Variants in MAP3K20 observed in about 807,000 individuals in gnomAD.
MAP3K20 encodes the protein HCCS-4.
In MAP3K20, 40 loss-of-function variants were observed where a neutral mutation model predicts 85.7. The observed-to-expected ratio is 0.47, with a 90% CI of 0.36 to 0.61. The LOEUF (loss-of-function observed/expected upper bound fraction) is 0.61, where lower values mean the gene tolerates loss of function less well. MAP3K20 is among the 20% of genes least tolerant of loss of function. MAP3K20 has a pLI of 0.00. For synonymous variants in MAP3K20, 325 were observed against 327.7 expected, an observed-to-expected ratio of 0.99 and a Z score of 0.09; for missense variants, 817 against 961.7, an observed-to-expected ratio of 0.85 and a Z score of 1.99.
intron 2 of MAP3K20, among the ~76,000 whole-genome samples, chr2:173,149,506 A>AC (rs1553571021): frequency 1.4e-5 from 2 of 145,726 alleles, no homozygotes; most frequent in African/African-American, 5.4e-5. Flanking sequence ...AAAAAAGTTT[A>AC]TTTTTTTTTA....
intron 2 of MAP3K20, among the ~76,000 whole-genome samples, chr2:173,144,560 G>A (rs972261610): frequency 1.5e-4 from 7 of 48,262 alleles, no homozygotes; most frequent in Middle Eastern, 0.01. Flanking sequence ...GCTGGGAGTG[G>A]GGGGGCATGC....
intron 3 of MAP3K20, among the ~76,000 whole-genome samples, chr2:173,174,272 A>G (rs1330621775): frequency 5.9e-5 from 9 of 152,178 alleles, no homozygotes; most frequent in Non-Finnish European, 1.2e-4. Context: ...TTACATAGGT[A>G]TACATGTGCC....
rs192866641 is a variant in MAP3K20 at position 173,102,388 on chromosome 2, A to C, written c.159+11198A>C. Among the ~76,000 whole-genome samples, 468 of 152,232 alleles carry C rather than the reference A, an allele frequency of 3.1e-3. 1 individual carries two copies. Among genetic ancestry groups the C allele is most frequent in the Middle Eastern group, 0.027 (8 of 294 alleles). On this transcript the variant is annotated intron_variant, in intron 2 of 19. Transcript: ENST00000375213. Reference sequence around the variant, plus strand: ...TTCTGTTCTATAGCAGCTAGAAAGGATGTTTTCCTGGCCGTGGTTCTTATC... The same window carrying C: ...TTCTGTTCTATAGCAGCTAGAAAGGCTGTTTTCCTGGCCGTGGTTCTTATC...
chr2:173,144,300 A>G lies in MAP3K20; in HGVS notation c.160-25505A>G, dbSNP rs184469180. Among the ~76,000 whole-genome samples, 679 of 151,868 alleles carry G rather than the reference A, an allele frequency of 4.5e-3. 5 individuals carry two copies. Among genetic ancestry groups the G allele is most frequent in the South Asian group, 0.031 (150 of 4,800 alleles). Reference sequence around the variant, plus strand: ...AACACAGTGAAACCCCATCTCTACTAAAAATACAAAAAATTAGCCGGGCGT... The same window carrying G: ...AACACAGTGAAACCCCATCTCTACTGAAAATACAAAAAATTAGCCGGGCGT... On this transcript the variant is annotated intron_variant, in intron 2 of 19. Coordinates refer to ENST00000375213, the MANE Select transcript of MAP3K20 (RefSeq NM_016653.3).
At chr2:173,133,729 A>T (rs1369705882) in intron 2 of MAP3K20, among the ~76,000 whole-genome samples, 2 of 151,864 alleles carry the variant, frequency 1.3e-5, no homozygotes, top group Non-Finnish European at 2.9e-5. Context: ...TGTGCATTTT[A>T]AATTTTTTTC....
In MAP3K20 at chr2:173,081,626, A is replaced by G. The variant is rs1687017232; in HGVS notation, c.-35+5624A>G. On this transcript the variant is annotated intron_variant, in intron 1 of 19. Transcript: ENST00000375213. ...CTCTTTGCTTTGGGAATTGGGGGGA[A>G]GGAAGAGGAAAGTTTTAGGATAGAA... Among the ~76,000 whole-genome samples the G allele has an allele frequency of 2.0e-5, 3 of 152,316 alleles. No individual in the cohort carries two copies. In the South Asian group the frequency reaches 6.2e-4, roughly 32 times the overall value.
intron 2 of MAP3K20, among the ~76,000 whole-genome samples, chr2:173,107,117 C>T (rs1354931622): frequency 1.3e-5 from 2 of 152,134 alleles, no homozygotes; most frequent in African/African-American, 4.8e-5. Flanking sequence ...GGGATTGGTA[C>T]ATGATGGCAA....
chr2:173,080,470 C>T (rs545551847), intron 1 of MAP3K20, among the ~76,000 whole-genome samples: 18 of 152,108 alleles, frequency 1.2e-4, no homozygotes, highest in African/African-American at 4.1e-4. Flanking sequence ...TGGCATCTGG[C>T]GAGAATCACC....
At position 173,191,129 on chromosome 2, in the gene MAP3K20, C is replaced by T. The variant is rs1690636904; in HGVS notation, c.534C>T (p.Ile178=). The T allele has an allele frequency of 6.2e-7, 1 of 1,613,872 alleles. No individual in the cohort carries two copies. ...TCCCATGGATGGCTCCAGAAGTTAT[C>T]CAGAGTCTCCCTGTGTCAGAAACTT... ...GTFPWMAPEV[I]QSLPVSETCD... Residue 178 remains isoleucine, a synonymous_variant, in exon 7 of 20, where the codon ATC becomes ATT. Transcript: ENST00000375213.
intron 19 of MAP3K20, among the ~76,000 whole-genome samples, chr2:173,264,773 A>G (rs1462200625): frequency 6.6e-6 from 1 of 152,118 alleles, no homozygotes; most frequent in Non-Finnish European, 1.5e-5. Flanking sequence ...GCTACTGCTC[A>G]TGTGACGTAT....
At chr2:173,213,665 C>G (rs1021025655) in intron 10 of MAP3K20, among the ~76,000 whole-genome samples, 1 of 152,092 alleles carries the variant, frequency 6.6e-6, no homozygotes, top group African/African-American at 2.4e-5. Context: ...GTAACAGAAC[C>G]CAGGTGGTCT....
intron 16 of MAP3K20, among the ~76,000 whole-genome samples, chr2:173,255,050 C>T (rs1397992997): frequency 2.0e-5 from 3 of 152,150 alleles, no homozygotes; most frequent in Non-Finnish European, 4.4e-5. Context: ...AGTTTTATTC[C>T]TTCTGTAGCT....
At chr2:173,160,741 A>G (rs1336965355) in intron 2 of MAP3K20, among the ~76,000 whole-genome samples, 1 of 152,146 alleles carries the variant, frequency 6.6e-6, no homozygotes, top group Admixed American at 6.5e-5. Context: ...TGCCAAGTAC[A>G]ATAGTTCTGG....
chr2:173,222,232 T>C (rs1312857989), intron 11 of MAP3K20: 2 of 985,592 alleles, frequency 2.0e-6, no homozygotes, highest in Non-Finnish European at 2.4e-6. Flanking sequence ...AAAGAATTGA[T>C]AGTACAAAAT....
At chr2:173,190,977 G>C in intron 6 of MAP3K20, 54 bp downstream of exon 6, 6 of 1,607,442 alleles carry the variant, frequency 3.7e-6, no homozygotes, top group African/African-American at 2.7e-5. Context: ...GTAGATTTTT[G>C]TAACTGATAA....
intron 2 of MAP3K20, among the ~76,000 whole-genome samples, chr2:173,120,899 A>G (rs893355891): frequency 2.0e-5 from 3 of 151,578 alleles, no homozygotes; most frequent in Non-Finnish European, 4.4e-5. Flanking sequence ...TAGTAGAGAC[A>G]TGTTTCACCG....
At chr2:173,256,228 G>A (rs375816696) in intron 16 of MAP3K20, among the ~76,000 whole-genome samples, 1 of 152,206 alleles carries the variant, frequency 6.6e-6, no homozygotes, top group African/African-American at 2.4e-5. Context: ...AATTATGTCT[G>A]AGCTTGCTCT....
intron 2 of MAP3K20, among the ~76,000 whole-genome samples, chr2:173,131,200 T>C (rs979708693): frequency 3.9e-5 from 6 of 152,226 alleles, no homozygotes; most frequent in Non-Finnish European, 5.9e-5. Flanking sequence ...CTAGAGGGGA[T>C]AGTGCATTGT....
intron 11 of MAP3K20, chr2:173,225,253 A>T: frequency 1.9e-6 from 1 of 521,930 alleles, no homozygotes; most frequent in African/African-American, 2.1e-5. Flanking sequence ...CAGTGCCAGG[A>T]ATAGTAACAT....
Sources: allele counts gnomAD v4.1 joint callset (sites outside exome capture counted in the v4.1 genomes callset), GRCh38; gene constraint gnomAD v4.1.1; transcripts MANE v1.5; gene names NCBI Gene and HGNC (gene_info 2026-07-23, HGNC 2026-07-21).